STIM2: variants seen among roughly 807,000 people sequenced by gnomAD.
STIM2 encodes stromal interaction molecule 2.
A neutral mutation model predicts 85.8 loss-of-function variants in STIM2; 31 were observed. That is an observed-to-expected ratio of 0.36 (90% CI 0.27 to 0.49). The LOEUF (loss-of-function observed/expected upper bound fraction) is 0.49. Ranked by LOEUF, STIM2 falls within the 20% of genes least tolerant of loss-of-function variation. The probability of loss-of-function intolerance (pLI) is 0.98; values close to 1 mark genes in which losing one functional copy is unlikely to be tolerated. For missense variants in STIM2, 841 were observed against 927.6 expected, an observed-to-expected ratio of 0.91 and a Z score of 1.21; for synonymous variants, 356 against 331.1, an observed-to-expected ratio of 1.08 and a Z score of -0.82.
chr4:26,935,574 AGAAATGCAAATTCTTG>A (rs1560212431), intron 2 of STIM2, among the ~76,000 whole-genome samples: 1 of 152,200 alleles, frequency 6.6e-6, no homozygotes, highest in East Asian at 1.9e-4. Flanking sequence ...AAAACTTGTT[AGAAATGCAAATTCTTG>A]AGCCCCACCC....
intron 2 of STIM2, among the ~76,000 whole-genome samples, chr4:26,953,165 T>A (rs137884333): frequency 1.3e-5 from 2 of 152,140 alleles, no homozygotes; most frequent in African/African-American, 4.8e-5. Context: ...ATCCCTGTTA[T>A]GTATTTTGTT....
At chr4:27,020,858 G>A (rs1378494212) in intron 11 of STIM2, 6 of 644,884 alleles carry the variant, frequency 9.3e-6, no homozygotes, top group Middle Eastern at 2.6e-4. Flanking sequence ...CCTAGTTCCA[G>A]CTGCTGGGTT....
chr4:26,886,744 TTGTA>T (rs1723265019), intron 1 of STIM2, among the ~76,000 whole-genome samples: 1 of 152,176 alleles, frequency 6.6e-6, no homozygotes. Context: ...GACATTGTCA[TTGTA>T]TGTCATGTAC....
intron 2 of STIM2, among the ~76,000 whole-genome samples, chr4:26,927,837 AAAT>A (rs1429983726): frequency 7.4e-6 from 1 of 135,868 alleles, no homozygotes; most frequent in East Asian, 1.9e-4. Flanking sequence ...GTAATTATAT[AAAT>A]TATATATTAA....
chr4:26,913,671 G>A (rs1724424022), intron 1 of STIM2, among the ~76,000 whole-genome samples: 1 of 152,114 alleles, frequency 6.6e-6, no homozygotes, highest in Non-Finnish European at 1.5e-5. Flanking sequence ...TTCTTGAAAA[G>A]CTTTTTTCTT....
intron 5 of STIM2, 24 bp from the exon 6 acceptor site, chr4:27,002,193 A>G (rs1728177974): frequency 6.4e-7 from 1 of 1,555,178 alleles, no homozygotes; most frequent in Non-Finnish European, 8.7e-7. Flanking sequence ...AGATTAATTT[A>G]ATCATCTGTA....
intron 1 of STIM2, among the ~76,000 whole-genome samples, chr4:26,903,979 G>A (rs1724025372): frequency 6.6e-6 from 1 of 151,638 alleles, no homozygotes; most frequent in South Asian, 2.1e-4. Flanking sequence ...AAGTTTTAGG[G>A]TACATGTGCA....
At chr4:26,941,303 T>C (rs1725601893) in intron 2 of STIM2, among the ~76,000 whole-genome samples, 1 of 152,144 alleles carries the variant, frequency 6.6e-6, no homozygotes, top group South Asian at 2.1e-4. Flanking sequence ...TGTATTTTCT[T>C]CTATCATCCT....
At chr4:26,911,288 A>G (rs1170276715) in intron 1 of STIM2, among the ~76,000 whole-genome samples, 1 of 152,160 alleles carries the variant, frequency 6.6e-6, no homozygotes, top group South Asian at 2.1e-4. Context: ...AAAAAATGAA[A>G]TAAAACATTT....
chr4:26,998,123 C>T (rs1728025088), intron 4 of STIM2, among the ~76,000 whole-genome samples: 1 of 152,010 alleles, frequency 6.6e-6, no homozygotes, highest in South Asian at 2.1e-4. Flanking sequence ...GGTACAGGAC[C>T]CAGCATATAT....
At chr4:27,008,036 A>C (rs1410893710) in intron 8 of STIM2, 2 of 714,150 alleles carry the variant, frequency 2.8e-6, no homozygotes, top group Admixed American at 2.0e-5. Context: ...TAACTTTGAC[A>C]CTTAAATTGT....
At chr4:27,011,396 T>C (rs923379127) in intron 10 of STIM2, among the ~76,000 whole-genome samples, 3 of 152,238 alleles carry the variant, frequency 2.0e-5, no homozygotes, top group Non-Finnish European at 4.4e-5. Context: ...GTTTTTCTAC[T>C]TTCTACTTTC....
chr4:26,986,828 C>A (rs1296247048), intron 3 of STIM2, among the ~76,000 whole-genome samples: 1 of 152,188 alleles, frequency 6.6e-6, no homozygotes, highest in Non-Finnish European at 1.5e-5. Context: ...AAAACAAGTT[C>A]TTTTATTTAA....
intron 7 of STIM2, among the ~76,000 whole-genome samples, chr4:27,003,803 G>A (rs1185668330): frequency 6.6e-6 from 1 of 152,136 alleles, no homozygotes; most frequent in South Asian, 2.1e-4. Context: ...GGCTGTAGGG[G>A]AGGACGTGTT....
intron 2 of STIM2, among the ~76,000 whole-genome samples, chr4:26,939,243 A>G (rs1465422230): frequency 2.6e-5 from 4 of 152,162 alleles, no homozygotes; most frequent in Admixed American, 6.5e-5. Flanking sequence ...GACACGGTCC[A>G]TCTTAAGGAC....
In STIM2 at chr4:27,018,052, G is replaced by A. The variant is rs190635363; in HGVS notation, c.1763+68G>A. The A allele has an allele frequency of 7.6e-5, 120 of 1,573,068 alleles. 1 individual carries two copies. In the East Asian group the frequency reaches 2.0e-3, roughly 26 times the overall value. ...TGGGGGTAAGGTGTGAGGAGGGGGC[G>A]GGAGGAGTGGTGCATGTTTCCATTT... is the stretch of plus-strand genomic sequence containing the variant. On this transcript the variant is annotated intron_variant, in intron 11 of 11. Coordinates refer to ENST00000467087, the MANE Select transcript of STIM2 (RefSeq NM_020860.4).
At chr4:26,995,511 T>C (rs759139168) in intron 4 of STIM2, 21 bp downstream of exon 4, 4 of 1,493,364 alleles carry the variant, frequency 2.7e-6, no homozygotes. Flanking sequence ...GTTATGCAAA[T>C]GTATTTTCCA....
rs1729044282 is a variant in STIM2 at position 27,025,195 on chromosome 4, G to A, written c.*2199G>A. 6.6e-6 allele frequency: 1 copy of A among 152,142 alleles called. No homozygotes were observed. Among genetic ancestry groups the A allele is most frequent in the Non-Finnish European group, 1.5e-5 (1 of 68,022 alleles). 9.4% of individuals were successfully genotyped at this position (152,142 alleles called of 1,614,324 possible). A position where few individuals can be genotyped will look rare whatever the true frequency, so the allele number is the denominator to read the frequency against. On this transcript the variant is annotated 3_prime_UTR_variant, in exon 12 of 12. Transcript: ENST00000467087. Reference sequence around the variant, plus strand: ...ATGATAATTATTTTGCATTAATACAGTATACACATTTGTAAATTCAACAGG... The same window carrying A: ...ATGATAATTATTTTGCATTAATACAATATACACATTTGTAAATTCAACAGG...
chr4:26,996,468 C>T (rs903883457), intron 4 of STIM2, among the ~76,000 whole-genome samples: 11 of 151,882 alleles, frequency 7.2e-5, no homozygotes, highest in Non-Finnish European at 1.5e-4. Flanking sequence ...TCCTTACATG[C>T]CCTATTTAGA....
Sources: gnomAD v4.1 joint callset for allele counts (sites outside exome capture counted in the v4.1 genomes callset) on GRCh38, gnomAD v4.1.1 for gene constraint, MANE v1.5 for transcripts, NCBI Gene and HGNC (gene_info 2026-07-23, HGNC 2026-07-21) for gene names.